The following LHFPL3 variants were observed in gnomAD, a reference collection of about 807,000 sequenced individuals.
The protein encoded by LHFPL3 is LHFPL tetraspan subfamily member 3 protein.
In LHFPL3, 5 loss-of-function variants were observed where a neutral mutation model predicts 19.3. The ratio of observed to expected loss-of-function variants is 0.26; its 90% CI spans 0.14 to 0.54. The LOEUF (loss-of-function observed/expected upper bound fraction) is 0.54, where lower values mean the gene tolerates loss of function less well. Among genes scored for constraint, LHFPL3 ranks in the 20% least tolerant of loss-of-function variants. The probability of loss-of-function intolerance (pLI) is 0.94; values close to 1 mark genes in which losing one functional copy is unlikely to be tolerated. For synonymous variants in LHFPL3, 133 were observed against 126.2 expected, an observed-to-expected ratio of 1.05 and a Z score of -0.36; for missense variants, 249 against 307.4, an observed-to-expected ratio of 0.81 and a Z score of 1.42.
intron 1 of LHFPL3, among the ~76,000 whole-genome samples, chr7:104,690,474 A>G (rs1283344116): frequency 6.6e-6 from 1 of 152,196 alleles, no homozygotes; most frequent in African/African-American, 2.4e-5. Context: ...AAGATATCAC[A>G]CTGGTCCATT....
chr7:104,842,564 G>C (rs1162552494), intron 2 of LHFPL3, among the ~76,000 whole-genome samples: 1 of 152,202 alleles, frequency 6.6e-6, no homozygotes, highest in African/African-American at 2.4e-5. Context: ...TCCAGGGGAT[G>C]TGGCATTGCT....
intron 1 of LHFPL3, among the ~76,000 whole-genome samples, chr7:104,715,040 A>G (rs1252665680): frequency 6.6e-6 from 1 of 152,140 alleles, no homozygotes; most frequent in African/African-American, 2.4e-5. Context: ...TTGGGTGCCT[A>G]TTAACAATAT....
intron 1 of LHFPL3, among the ~76,000 whole-genome samples, chr7:104,693,058 G>A (rs1168031752): frequency 1.3e-5 from 2 of 152,246 alleles, no homozygotes; most frequent in East Asian, 1.9e-4. Flanking sequence ...TCACCTGGAT[G>A]TGAGACATGA....
chr7:104,906,947 C>T lies in LHFPL3; in HGVS notation c.*732C>T, dbSNP rs574154312. The T allele has an allele frequency of 6.5e-6, 1 of 152,722 alleles. No individual in the cohort carries two copies. The highest frequency in any genetic ancestry group is 2.4e-5 in the African/African-American group (1 of 41,570). 9.5% of individuals were successfully genotyped at this position (152,722 alleles called of 1,614,324 possible). On this transcript the variant is annotated 3_prime_UTR_variant, in exon 3 of 3. Transcript: ENST00000424859. ...GTATATTACAGGAAGTACATCTTTA[C>T]ATCATAGGTTCCCAAGCAACATAGA...
intron 1 of LHFPL3, among the ~76,000 whole-genome samples, chr7:104,434,734 C>A (rs913829941): frequency 6.6e-6 from 1 of 152,258 alleles, no homozygotes; most frequent in Admixed American, 6.5e-5. Flanking sequence ...TGATTATAGG[C>A]AAATTCAGAC....
chr7:104,790,259 C>CA (rs1227616894), intron 2 of LHFPL3, among the ~76,000 whole-genome samples: 4 of 152,124 alleles, frequency 2.6e-5, no homozygotes, highest in Non-Finnish European at 5.9e-5. Flanking sequence ...CAATTTTCCC[C>CA]AAAAATTCCA....
At chr7:104,855,977 C>T (rs980408130) in intron 2 of LHFPL3, among the ~76,000 whole-genome samples, 4 of 152,308 alleles carry the variant, frequency 2.6e-5, no homozygotes, top group African/African-American at 7.2e-5. Flanking sequence ...GGCCCAGAAT[C>T]TCCCAACCCC....
chr7:104,393,666 A>C (rs1400139821), intron 1 of LHFPL3, among the ~76,000 whole-genome samples: 1 of 152,214 alleles, frequency 6.6e-6, no homozygotes, highest in Admixed American at 6.5e-5. Flanking sequence ...CAGTGAGCCG[A>C]GACCATGCCA....
At chr7:104,494,469 C>A (rs961612412) in intron 1 of LHFPL3, among the ~76,000 whole-genome samples, 2 of 152,076 alleles carry the variant, frequency 1.3e-5, no homozygotes, top group Non-Finnish European at 2.9e-5. Flanking sequence ...GCTGAGATCT[C>A]TCCTCTCATT....
chr7:104,666,179 A>G (rs145991909), intron 1 of LHFPL3, among the ~76,000 whole-genome samples: 17 of 152,280 alleles, frequency 1.1e-4, no homozygotes, highest in Non-Finnish European at 2.1e-4. Context: ...GTTGGGGAAC[A>G]TTTCAGTTCC....
intron 1 of LHFPL3, among the ~76,000 whole-genome samples, chr7:104,610,947 C>G (rs143402549): frequency 2.1e-4 from 32 of 152,298 alleles, no homozygotes; most frequent in African/African-American, 7.0e-4. Context: ...CTGGAACAAC[C>G]ATCTAGCCAT....
intron 1 of LHFPL3, among the ~76,000 whole-genome samples, chr7:104,479,747 A>G (rs1003570189): frequency 6.6e-6 from 1 of 152,126 alleles, no homozygotes; most frequent in Non-Finnish European, 1.5e-5. Flanking sequence ...TTCAGCCCCT[A>G]CACTGTCTGT....
intron 2 of LHFPL3, among the ~76,000 whole-genome samples, chr7:104,758,935 T>C (rs1794330663): frequency 6.6e-6 from 1 of 152,194 alleles, no homozygotes; most frequent in South Asian, 2.1e-4. Context: ...CTTGAATAAT[T>C]TAAGTTGTGC....
chr7:104,622,547 G>T (rs1053653991), intron 1 of LHFPL3, among the ~76,000 whole-genome samples: 4 of 152,088 alleles, frequency 2.6e-5, no homozygotes, highest in Non-Finnish European at 5.9e-5. Context: ...ATTGGTTTTA[G>T]AACATTTTAA....
intron 1 of LHFPL3, among the ~76,000 whole-genome samples, chr7:104,487,428 CT>C (rs1244594598): frequency 6.6e-6 from 1 of 152,256 alleles, no homozygotes; most frequent in Non-Finnish European, 1.5e-5. Flanking sequence ...GGAGCCACTG[CT>C]GAACAGGATA....
At chr7:104,794,217 A>G (rs1562795267) in intron 2 of LHFPL3, among the ~76,000 whole-genome samples, 1 of 152,282 alleles carries the variant, frequency 6.6e-6, no homozygotes, top group Middle Eastern at 3.4e-3. Context: ...CTTGAACCCT[A>G]GTTTCTTTCA....
At chr7:104,794,368 A>G (rs1790077512) in intron 2 of LHFPL3, among the ~76,000 whole-genome samples, 1 of 152,212 alleles carries the variant, frequency 6.6e-6, no homozygotes, top group Non-Finnish European at 1.5e-5. Flanking sequence ...AAGTTGCCAC[A>G]GGCCTTCCCA....
At chr7:104,893,242 G>A (rs568913387) in intron 2 of LHFPL3, among the ~76,000 whole-genome samples, 17 of 151,788 alleles carry the variant, frequency 1.1e-4, no homozygotes, top group African/African-American at 1.7e-4. Context: ...GGCCTGGCAC[G>A]GTGGCTGACA....
At chr7:104,430,390 A>ATATACATGTC in intron 1 of LHFPL3, among the ~76,000 whole-genome samples, 1 of 59,450 alleles carries the variant, frequency 1.7e-5, no homozygotes, top group African/African-American at 6.9e-5. Flanking sequence ...ATACATATAT[A>ATATACATGTC]TATATATATA....
Sources: allele counts gnomAD v4.1 joint callset (sites outside exome capture counted in the v4.1 genomes callset), GRCh38; gene constraint gnomAD v4.1.1; transcripts MANE v1.5; gene names NCBI Gene and HGNC (gene_info 2026-07-23, HGNC 2026-07-21).